The following PPM1L variants were observed in gnomAD, a reference collection of about 807,000 sequenced individuals.
The protein encoded by PPM1L is protein phosphatase 1L.
PPM1L carries 13 observed loss-of-function variants against 31.4 expected under a neutral mutation model. The observed-to-expected ratio is 0.41, with a 90% CI of 0.27 to 0.66. The LOEUF (loss-of-function observed/expected upper bound fraction) is 0.66, where lower values mean the gene tolerates loss of function less well. Among genes scored for constraint, PPM1L ranks in the 30% least tolerant of loss-of-function variants. The probability of loss-of-function intolerance (pLI) is 0.29; values close to 1 mark genes in which losing one functional copy is unlikely to be tolerated. For missense variants in PPM1L, 326 were observed against 453.7 expected (o/e 0.72, Z 2.56); for synonymous variants, 184 against 175.4 (o/e 1.05, Z -0.39).
intron 1 of PPM1L, among the ~76,000 whole-genome samples, chr3:160,835,879 A>T (rs1713699584): frequency 6.6e-6 from 1 of 152,058 alleles, no homozygotes; most frequent in African/African-American, 2.4e-5. Context: ...TTTAGTTTGG[A>T]ACATCTCTGC....
intron 1 of PPM1L, among the ~76,000 whole-genome samples, chr3:160,827,447 T>G (rs200450850): frequency 3.5e-5 from 5 of 141,360 alleles, no homozygotes; most frequent in South Asian, 4.6e-4. Flanking sequence ...TGATATAAGT[T>G]TGTGTGTGTG....
At chr3:160,999,342 A>C (rs1440258161) in intron 2 of PPM1L, among the ~76,000 whole-genome samples, 2 of 152,172 alleles carry the variant, frequency 1.3e-5, no homozygotes, top group African/African-American at 2.4e-5. Context: ...GCTTAAGATC[A>C]TACTGTGGTT....
chr3:160,882,245 T>C (rs1712747389), intron 1 of PPM1L: 1 of 152,194 alleles, frequency 6.6e-6, no homozygotes, highest in Non-Finnish European at 1.5e-5. Context: ...AGAGCAGACA[T>C]CATCCTAGAG....
At chr3:160,796,580 C>A (rs1256387792) in intron 1 of PPM1L, among the ~76,000 whole-genome samples, 1 of 152,134 alleles carries the variant, frequency 6.6e-6, no homozygotes, top group Non-Finnish European at 1.5e-5. Flanking sequence ...GAGTATTCTG[C>A]CTGTTATCTT....
At chr3:160,922,635 C>A (rs920925760) in intron 1 of PPM1L, among the ~76,000 whole-genome samples, 3 of 152,150 alleles carry the variant, frequency 2.0e-5, no homozygotes, top group Non-Finnish European at 4.4e-5. Context: ...CTAACAGATA[C>A]TTACAATGAG....
At chr3:160,788,268 T>C (rs1711992773) in intron 1 of PPM1L, among the ~76,000 whole-genome samples, 1 of 152,166 alleles carries the variant, frequency 6.6e-6, no homozygotes, top group East Asian at 1.9e-4. Flanking sequence ...TTTCCATTTG[T>C]TTGTGTCATC....
chr3:160,965,483 A>G (rs1716112130), intron 2 of PPM1L, among the ~76,000 whole-genome samples: 1 of 152,072 alleles, frequency 6.6e-6, no homozygotes, highest in Non-Finnish European at 1.5e-5. Flanking sequence ...TCCCTTTATT[A>G]TAAAATAGAC....
intron 1 of PPM1L, among the ~76,000 whole-genome samples, chr3:160,792,203 TA>T (rs1712127600): frequency 6.6e-6 from 1 of 152,192 alleles, no homozygotes; most frequent in Non-Finnish European, 1.5e-5. Context: ...TTGGGTTAGC[TA>T]ATCAGAGGTG....
intron 2 of PPM1L, among the ~76,000 whole-genome samples, chr3:160,962,974 CT>C (rs11430313): frequency 1.3e-4 from 19 of 148,356 alleles, no homozygotes; most frequent in Admixed American, 1.4e-4. Flanking sequence ...TTCTTCTTTG[CT>C]TTTTTTTTTG....
intron 1 of PPM1L, among the ~76,000 whole-genome samples, chr3:160,920,054 C>G (rs1714334222): frequency 6.6e-6 from 1 of 152,110 alleles, no homozygotes; most frequent in African/African-American, 2.4e-5. Context: ...TGAGCCATCA[C>G]TATGGTCACC....
intron 1 of PPM1L, among the ~76,000 whole-genome samples, chr3:160,946,244 CT>C (rs1302689425): frequency 6.6e-6 from 1 of 152,144 alleles, no homozygotes; most frequent in African/African-American, 2.4e-5. Context: ...AAACCATAGA[CT>C]TTACCAAAGA....
chr3:161,075,843 C>A lies in PPM1L; in HGVS notation c.*6686C>A, dbSNP rs1720080755. 2 of 152,118 alleles carry A rather than the reference C, an allele frequency of 1.3e-5. No homozygotes were observed. Among genetic ancestry groups the A allele is most frequent in the African/African-American group, 2.4e-5 (1 of 41,418 alleles). The allele number at this position is 152,118 out of a possible 1,614,324, so 9.4% of individuals were successfully genotyped here. On this transcript the variant is annotated 3_prime_UTR_variant, in exon 4 of 4. Transcript: ENST00000498165. ...AGTTAGTAAAATTGCAGTCCCTATT[C>A]CATTTTTTTCTGATGAAAATGGATA...
At chr3:160,805,682 G>C (rs1249013271) in intron 1 of PPM1L, among the ~76,000 whole-genome samples, 2 of 152,030 alleles carry the variant, frequency 1.3e-5, no homozygotes, top group African/African-American at 4.8e-5. Flanking sequence ...AGATCATGCC[G>C]TTGCACTCCA....
intron 2 of PPM1L, among the ~76,000 whole-genome samples, chr3:160,976,043 G>A (rs1317260771): frequency 2.3e-5 from 3 of 129,146 alleles, no homozygotes; most frequent in Non-Finnish European, 4.8e-5. Context: ...TTTGAAATAC[G>A]TCCCATCAAT....
At chr3:160,783,617 A>AAAAGAAAG (rs1208119183) in intron 1 of PPM1L, among the ~76,000 whole-genome samples, 2 of 151,520 alleles carry the variant, frequency 1.3e-5, no homozygotes, top group Admixed American at 6.6e-5. Flanking sequence ...AAAAAAAAGA[A>AAAAGAAAG]AAAGAAAGAA....
chr3:160,861,939 G>A (rs73155996), intron 1 of PPM1L, among the ~76,000 whole-genome samples: 8,190 of 152,198 alleles, frequency 0.054, 240 homozygotes, highest in South Asian at 0.11. Flanking sequence ...TTCTCATAAA[G>A]ACCTCTGTGC....
chr3:160,999,910 T>A (rs929246029), intron 2 of PPM1L, among the ~76,000 whole-genome samples: 1 of 152,236 alleles, frequency 6.6e-6, no homozygotes, highest in South Asian at 2.1e-4. Flanking sequence ...CATACAACGC[T>A]TAATGTGGCG....
intron 2 of PPM1L, among the ~76,000 whole-genome samples, chr3:161,054,617 A>T (rs916994436): frequency 6.6e-6 from 1 of 152,080 alleles, no homozygotes; most frequent in Non-Finnish European, 1.5e-5. Flanking sequence ...GCCTGCCCTG[A>T]TGTTGAAAGC....
Position 161,076,484 on chromosome 3 carries a change from CT to C in PPM1L, c.*7331del, listed in dbSNP as rs1382561693. On this transcript the variant is annotated 3_prime_UTR_variant, in exon 4 of 4. Coordinates refer to ENST00000498165, the MANE Select transcript of PPM1L (RefSeq NM_139245.4). Reference sequence around the variant, plus strand: ...ATATGACCATGGAGAAAACCCATAACTTTTGCTTCTATTATAGAAAGCAGTG... The same window carrying C: ...ATATGACCATGGAGAAAACCCATAACTTTGCTTCTATTATAGAAAGCAGTG... 5 of 152,132 alleles carry C rather than the reference CT, an allele frequency of 3.3e-5. No homozygotes were observed. Among genetic ancestry groups the C allele is most frequent in the Admixed American group, 3.3e-4 (5 of 15,274 alleles). 9.4% of individuals were successfully genotyped at this position (152,132 alleles called of 1,614,324 possible).
Sources: allele counts gnomAD v4.1 joint callset (sites outside exome capture counted in the v4.1 genomes callset), GRCh38; gene constraint gnomAD v4.1.1; transcripts MANE v1.5; gene names NCBI Gene and HGNC (gene_info 2026-07-23, HGNC 2026-07-21).